Variants in MICU1 observed in about 807,000 individuals in gnomAD.
MICU1 encodes mitochondrial calcium uptake 1, also known as calcium uptake protein 1, mitochondrial.
A neutral mutation model predicts 56.8 loss-of-function variants in MICU1; 45 were observed. That is an observed-to-expected ratio of 0.79 (90% CI 0.62 to 1.02). MICU1 has a LOEUF of 1.02. Among genes scored for constraint, MICU1 ranks in the 50% least tolerant of loss-of-function variants. The pLI is 0.00. For synonymous variants in MICU1, 186 were observed against 195.1 expected, an observed-to-expected ratio of 0.95 and a Z score of 0.39; for missense variants, 504 against 587.1, an observed-to-expected ratio of 0.86 and a Z score of 1.46.
chr10:72,390,592 T>C (rs891461360), intron 10 of MICU1, among the ~76,000 whole-genome samples: 1 of 152,220 alleles, frequency 6.6e-6, no homozygotes, highest in Non-Finnish European at 1.5e-5. Flanking sequence ...GCCTAAAGAC[T>C]GGTTTGTAAC....
intron 10 of MICU1, 78 bp downstream of exon 10, chr10:72,407,851 T>A: frequency 1.1e-6 from 1 of 899,704 alleles, no homozygotes; most frequent in Non-Finnish European, 1.7e-6. Context: ...TCTTTTACTG[T>A]TCAGGAGGGG....
intron 9 of MICU1, among the ~76,000 whole-genome samples, chr10:72,412,624 C>T (rs113075056): frequency 0.013 from 1,935 of 147,144 alleles, 44 homozygotes; most frequent in African/African-American, 0.046. Flanking sequence ...GTCGAGGCGG[C>T]TCGATCACCT....
intron 10 of MICU1, among the ~76,000 whole-genome samples, chr10:72,396,219 A>C (rs573587853): frequency 6.6e-6 from 1 of 152,356 alleles, no homozygotes; most frequent in South Asian, 2.1e-4. Context: ...AAAACTAACA[A>C]ACAGAAAGGA....
At chr10:72,554,712 T>G (rs1000475897) in intron 3 of MICU1, among the ~76,000 whole-genome samples, 34 of 151,936 alleles carry the variant, frequency 2.2e-4, no homozygotes, top group African/African-American at 8.2e-4. Flanking sequence ...AAAACAATTA[T>G]TTTTTTCAAA....
chr10:72,407,287 T>C (rs1205707345), intron 10 of MICU1, among the ~76,000 whole-genome samples: 3 of 152,206 alleles, frequency 2.0e-5, no homozygotes, highest in Admixed American at 1.3e-4. Flanking sequence ...AAAATATGCA[T>C]AGTCATACGA....
rs112670164 is a variant in MICU1 at position 72,617,631 on chromosome 10, A to C, written c.-2+8379T>G. Among the ~76,000 whole-genome samples the C allele has an allele frequency of 8.5e-3, 1,295 of 152,290 alleles. 19 individuals carry two copies. Among genetic ancestry groups the C allele is most frequent in the African/African-American group, 0.029 (1,222 of 41,544 alleles). On this transcript the variant is annotated intron_variant, in intron 1 of 11. Transcript: ENST00000361114. ...AGGGTCACTTAAGGCCAGGAGTTTGAAACCAGCCTGTGCAACATATCAAGA... is the reference window on the plus strand; with the variant it reads ...AGGGTCACTTAAGGCCAGGAGTTTGCAACCAGCCTGTGCAACATATCAAGA...
At chr10:72,458,879 A>AT (rs538552469) in intron 8 of MICU1, among the ~76,000 whole-genome samples, 228 of 126,306 alleles carry the variant, frequency 1.8e-3, no homozygotes, top group South Asian at 7.7e-3. Context: ...CCCAGCTACC[A>AT]TTTTTTTTTT....
intron 10 of MICU1, among the ~76,000 whole-genome samples, chr10:72,385,066 C>T (rs1235606795): frequency 6.6e-6 from 1 of 152,078 alleles, no homozygotes; most frequent in Non-Finnish European, 1.5e-5. Context: ...GCATTGAGTC[C>T]TCGATGTAAT....
At chr10:72,489,177 C>G (rs1242130420) in intron 6 of MICU1, among the ~76,000 whole-genome samples, 1 of 151,852 alleles carries the variant, frequency 6.6e-6, no homozygotes, top group African/African-American at 2.4e-5. Flanking sequence ...GTAATCCCAG[C>G]TACTTGGGAG....
intron 9 of MICU1, among the ~76,000 whole-genome samples, chr10:72,420,823 G>A (rs1864134721): frequency 6.6e-6 from 1 of 151,668 alleles, no homozygotes; most frequent in Admixed American, 6.6e-5. Context: ...CTACATGCAC[G>A]TGCCACCATG....
At chr10:72,368,873 A>T (rs946190241) in intron 11 of MICU1, among the ~76,000 whole-genome samples, 2 of 152,192 alleles carry the variant, frequency 1.3e-5, no homozygotes, top group African/African-American at 4.8e-5. Context: ...GAGGAGAAGC[A>T]GCATAAGCAT....
intron 1 of MICU1, among the ~76,000 whole-genome samples, chr10:72,621,275 G>C (rs1204566348): frequency 2.6e-5 from 4 of 152,046 alleles, no homozygotes; most frequent in African/African-American, 9.7e-5. Flanking sequence ...ATCACCTGAG[G>C]TCAGGAGTTC....
At chr10:72,444,221 GT>G (rs1390935228) in intron 8 of MICU1, among the ~76,000 whole-genome samples, 52 of 150,908 alleles carry the variant, frequency 3.4e-4, no homozygotes, top group African/African-American at 1.2e-3. Context: ...GGGGACTGTT[GT>G]GGGGTGGGGG....
At chr10:72,399,709 T>C (rs1008158300) in intron 10 of MICU1, among the ~76,000 whole-genome samples, 2 of 152,138 alleles carry the variant, frequency 1.3e-5, no homozygotes, top group Non-Finnish European at 2.9e-5. Context: ...ACGCCTGTAA[T>C]CCCAGCACTT....
intron 9 of MICU1, among the ~76,000 whole-genome samples, chr10:72,414,160 G>C (rs947703541): frequency 2.0e-5 from 3 of 152,106 alleles, no homozygotes; most frequent in Admixed American, 2.0e-4. Context: ...TCTGCAGGAG[G>C]ACTTGTACGC....
rs1168970084 is a variant in MICU1 at position 72,475,251 on chromosome 10, C to T, written c.782G>A (p.Arg261Lys). The T allele has an allele frequency of 6.2e-7, 1 of 1,609,840 alleles. No homozygotes were observed. The highest frequency in any genetic ancestry group is 1.7e-4 in the Middle Eastern group (1 of 6,052). Residue 261 changes from arginine to lysine, a missense_variant, in exon 8 of 12, where the codon AGA (arginine) becomes AAA (lysine). Coordinates refer to ENST00000361114, the MANE Select transcript of MICU1 (RefSeq NM_001195518.2). ...GGTGTTGCCAGTAGTTGGACGATCT[C>T]TGTGGCGCATACCCATACTGGTTTG... ...RSQTSMGMRH[R>K]DRPTTGNTLK...
intron 3 of MICU1, among the ~76,000 whole-genome samples, chr10:72,553,041 A>G (rs540180082): frequency 3.8e-4 from 58 of 152,334 alleles, no homozygotes; most frequent in African/African-American, 1.3e-3. Flanking sequence ...AATTTTTTCA[A>G]TGCTAACTTG....
At chr10:72,496,637 T>C (rs908969103) in intron 6 of MICU1, among the ~76,000 whole-genome samples, 5 of 152,166 alleles carry the variant, frequency 3.3e-5, no homozygotes, top group Admixed American at 1.3e-4. Flanking sequence ...GGTTTCACCA[T>C]GTTAGCCAGG....
At position 72,451,216 on chromosome 10, in the gene MICU1, G is replaced by A. The variant is rs149749104; in HGVS notation, c.933+23884C>T. 7.0e-3 allele frequency among the ~76,000 whole-genome samples: 1,053 copies of A among 151,122 alleles called. 12 individuals are homozygous for A. The highest frequency in any genetic ancestry group is 0.024 in the African/African-American group (991 of 41,148). On this transcript the variant is annotated intron_variant, in intron 8 of 11. Coordinates refer to ENST00000361114, the MANE Select transcript of MICU1 (RefSeq NM_001195518.2). The stretch of plus-strand genomic sequence containing the variant: ...ATTTTTGTATTTTTAGTAGAAATGG[G>A]GTTTCACCATGTTGGCCAGGATGGT...
Sources: gnomAD v4.1 joint callset for allele counts (sites outside exome capture counted in the v4.1 genomes callset) on GRCh38, gnomAD v4.1.1 for gene constraint, MANE v1.5 for transcripts, NCBI Gene and HGNC (gene_info 2026-07-23, HGNC 2026-07-21) for gene names.